The following SERPINB6 variants were observed in gnomAD, a reference collection of about 807,000 sequenced individuals.
The protein encoded by SERPINB6 is serpin family B member 6.
SERPINB6 carries 16 observed loss-of-function variants against 26.1 expected under a neutral mutation model. The observed-to-expected ratio is 0.61, with a 90% CI of 0.42 to 0.93. The LOEUF (loss-of-function observed/expected upper bound fraction) is 0.93. SERPINB6 is among the 40% of genes least tolerant of loss of function. The pLI is 0.00. For synonymous variants in SERPINB6, 174 were observed against 176.6 expected (o/e 0.99, Z 0.11); for missense variants, 420 against 478.0 (o/e 0.88, Z 1.13).
At position 2,948,865 on chromosome 6, in the gene SERPINB6, C is replaced by T; in HGVS notation, c.729+49G>A. 6.2e-7 allele frequency: 1 copy of T among 1,612,110 alleles called. No individual in the cohort carries two copies. Among genetic ancestry groups the T allele is most frequent in the Non-Finnish European group, 8.5e-7 (1 of 1,178,654 alleles). On this transcript the variant is annotated intron_variant, in intron 6 of 6. Transcript: ENST00000380539. The surrounding 1 kb of genome is among the most constrained non-coding windows in gnomAD (Gnocchi z 5.0). ...TAGGGACAGCAGCCACAGCAGACAC[C>T]CCCGAGTGGCTCCTTGCTAGCACGC...
chr6:2,969,114 G>GA (rs1771897454), intron 1 of SERPINB6: 7 of 1,042,728 alleles, frequency 6.7e-6, no homozygotes, highest in Non-Finnish European at 5.8e-6. Flanking sequence ...TAAAAGGAAA[G>GA]AAAAAATAAA....
intron 1 of SERPINB6, chr6:2,961,127 C>T (rs566364407): frequency 5.9e-5 from 9 of 152,294 alleles, no homozygotes; most frequent in East Asian, 5.8e-4. Flanking sequence ...AGTTTAGCCA[C>T]GAATCCATGG....
rs751978309 is a variant in SERPINB6, at chr6:2,959,304, G to T, written c.29C>A (p.Thr10Asn). The change falls in exon 2 of 7, where the codon ACC becomes AAC. Residue 10 changes from threonine (T) to asparagine (N), a missense_variant. Thr to Asn is a moderately conservative substitution (Grantham distance 65, BLOSUM62 0). Transcript: ENST00000380539. ...CGTTTTCAAAAGGTTTAAGGCAAAG[G>T]TGCCATTTGCTTCTGCGAGAACATC... Reference protein sequence around the residue: MDVLAEANGTFALNLLKTLG... With the variant: MDVLAEANGNFALNLLKTLG... The T allele has an allele frequency of 6.8e-6, 11 of 1,614,176 alleles. No individual in the cohort carries two copies. In the Admixed American group the frequency reaches 1.2e-4, roughly 17 times the overall value.
chr6:2,955,511 A>G lies in SERPINB6; in HGVS notation c.312+13T>C, dbSNP rs1480281622. 1.2e-6 allele frequency: 2 copies of G among 1,614,208 alleles called. No individual in the cohort carries two copies. The highest frequency in any genetic ancestry group is 2.7e-5 in the African/African-American group (2 of 75,066). On this transcript the variant is annotated intron_variant, in intron 3 of 6. Transcript: ENST00000380539. Reference sequence around the variant, plus strand: ...CTTTATTTCTTTAGTGAATAAGAGCAAGTATGACTTACTGAGAGGAAATCA... The same window carrying G: ...CTTTATTTCTTTAGTGAATAAGAGCGAGTATGACTTACTGAGAGGAAATCA...
At chr6:2,965,686 G>A (rs1015622894) in intron 1 of SERPINB6, among the ~76,000 whole-genome samples, 3 of 152,100 alleles carry the variant, frequency 2.0e-5, no homozygotes, top group African/African-American at 7.2e-5. Flanking sequence ...CTTATGTCTA[G>A]CAAAAGTTAT....
chr6:2,953,159 C>A lies in SERPINB6; in HGVS notation c.458G>T (p.Gly153Val). The change falls in exon 5 of 7, where the codon GGC (glycine) becomes GTC (valine). Residue 153 changes from glycine to valine, a missense_variant. Gly to Val is a moderately radical substitution (Grantham distance 109). Transcript: ENST00000380539. ...CAGCCTTGTCAATGGATCCACTGAG[C>A]CCGGAGAGAGCAACTCCGCAATTTT... ...EGKIAELLSPGSVDPLTRLVL... is the reference protein window; with the variant it reads ...EGKIAELLSPVSVDPLTRLVL... The A allele has an allele frequency of 6.2e-7, 1 of 1,614,180 alleles. No homozygotes were observed. The highest frequency in any genetic ancestry group is 8.5e-7 in the Non-Finnish European group (1 of 1,180,030).
At chr6:2,968,837 T>C (rs1771868868) in intron 1 of SERPINB6, 1 of 1,231,632 alleles carries the variant, frequency 8.1e-7, no homozygotes, top group Non-Finnish European at 1.0e-6. Flanking sequence ...CACTGCAGTG[T>C]GCTCAAGGGA....
At chr6:2,952,835 A>T (rs1769963000) in intron 5 of SERPINB6, among the ~76,000 whole-genome samples, 1 of 152,204 alleles carries the variant, frequency 6.6e-6, no homozygotes, top group African/African-American at 2.4e-5. Flanking sequence ...GAGCTTTAAG[A>T]CCTTGATCGA....
chr6:2,961,920 C>A, intron 1 of SERPINB6: 1 of 984,730 alleles, frequency 1.0e-6, no homozygotes, highest in Non-Finnish European at 1.2e-6. Flanking sequence ...AGACAAGGTT[C>A]TTGCCACCTT....
In SERPINB6 at chr6:2,953,260, G is replaced by T. The variant is rs1003531829; in HGVS notation, c.431-74C>A. 4 of 1,599,436 alleles carry T rather than the reference G, an allele frequency of 2.5e-6. No homozygotes were observed. The Admixed American group carries it at 6.7e-5, about 27-fold the overall frequency. On this transcript the variant is annotated intron_variant, in intron 4 of 6. Transcript: ENST00000380539. ...CCCGACACATCAGGAATCGGCTGGG[G>T]CCTTCTCCTTCAGCAGTCAAGTGCA...
At chr6:2,950,747 G>A (rs917955805) in intron 5 of SERPINB6, among the ~76,000 whole-genome samples, 3 of 152,306 alleles carry the variant, frequency 2.0e-5, no homozygotes, top group East Asian at 3.9e-4. Context: ...TCCTGACTCG[G>A]AGCTGCTCCT....
chr6:2,960,044 T>C (rs1455845010), intron 1 of SERPINB6: 4 of 159,282 alleles, frequency 2.5e-5, no homozygotes, highest in African/African-American at 7.2e-5. Context: ...TCATGGGCTG[T>C]GGGTGCATGC....
At chr6:2,955,204 A>AC (rs1554102179) in intron 3 of SERPINB6, 198 of 162,588 alleles carry the variant, frequency 1.2e-3, no homozygotes, top group South Asian at 2.8e-3. Context: ...AAAAAAAAAC[A>AC]AAAAAAAAAA....
intron 5 of SERPINB6, among the ~76,000 whole-genome samples, chr6:2,950,524 C>T (rs1769667520): frequency 9.5e-6 from 1 of 105,742 alleles, no homozygotes; most frequent in Non-Finnish European, 1.9e-5. Context: ...CAGACCGAGA[C>T]TCCATCTCAA....
intron 1 of SERPINB6, chr6:2,959,872 C>A (rs987351330): frequency 1.6e-5 from 3 of 189,442 alleles, no homozygotes; most frequent in African/African-American, 2.4e-5. Flanking sequence ...TACAAAGATG[C>A]GTGAAAGCCT....
At chr6:2,952,760 T>A (rs915071664) in intron 5 of SERPINB6, among the ~76,000 whole-genome samples, 5 of 152,172 alleles carry the variant, frequency 3.3e-5, no homozygotes, top group African/African-American at 1.2e-4. Flanking sequence ...TAGGTCCTGA[T>A]GGGAATGAAG....
At chr6:2,965,390 A>G (rs900113541) in intron 1 of SERPINB6, among the ~76,000 whole-genome samples, 6 of 152,124 alleles carry the variant, frequency 3.9e-5, no homozygotes, top group African/African-American at 1.2e-4. Flanking sequence ...ACTATAATAC[A>G]TGGCCAATTT....
At chr6:2,960,442 G>A (rs1377795148) in intron 1 of SERPINB6, 1 of 152,362 alleles carries the variant, frequency 6.6e-6, no homozygotes, top group East Asian at 1.9e-4. Context: ...GGCTGGGAAG[G>A]AGGGGATGCA....
chr6:2,955,169 G>A (rs1295414632), intron 3 of SERPINB6: 11 of 284,548 alleles, frequency 3.9e-5, no homozygotes, highest in Non-Finnish European at 5.9e-5. Flanking sequence ...CAGCCTGGGC[G>A]ACAGAGCGAG....
Sources: allele counts gnomAD v4.1 joint callset (sites outside exome capture counted in the v4.1 genomes callset), GRCh38; gene constraint gnomAD v4.1.1; non-coding constraint Gnocchi (gnomAD v3.1); transcripts MANE v1.5; gene names NCBI Gene and HGNC (gene_info 2026-07-23, HGNC 2026-07-21).